The following CTNNA2 variants were observed in gnomAD, a reference collection of about 807,000 sequenced individuals.
The protein encoded by CTNNA2 is catenin alpha-2.
CTNNA2 carries 42 observed loss-of-function variants against 101.0 expected under a neutral mutation model. The ratio of observed to expected loss-of-function variants is 0.42; its 90% confidence interval spans 0.32 to 0.54. The LOEUF (loss-of-function observed/expected upper bound fraction) is 0.54. CTNNA2 is among the 20% of genes least tolerant of loss of function. CTNNA2 has a pLI of 0.14. For synonymous variants in CTNNA2, 450 were observed against 456.4 expected, an observed-to-expected ratio of 0.99 and a Z score of 0.18; for missense variants, 871 against 1,223.1, an observed-to-expected ratio of 0.71 and a Z score of 4.29.
chr2:79,443,626 A>G (rs1385660667), intron 4 of CTNNA2, among the ~76,000 whole-genome samples: 3 of 152,136 alleles, frequency 2.0e-5, no homozygotes, highest in African/African-American at 7.2e-5. Context: ...TTTACTAACT[A>G]TAGAAATTCA....
At chr2:79,866,207 A>G (rs1477990693) in intron 4 of CTNNA2, among the ~76,000 whole-genome samples, 1 of 152,236 alleles carries the variant, frequency 6.6e-6, no homozygotes, top group African/African-American at 2.4e-5. Flanking sequence ...AAGAGTTGTA[A>G]GTGACAAGTT....
chr2:79,553,540 G>T (rs962624312), intron 1 of CTNNA2, among the ~76,000 whole-genome samples: 1 of 152,166 alleles, frequency 6.6e-6, no homozygotes, highest in Non-Finnish European at 1.5e-5. Flanking sequence ...AGTTGCACAG[G>T]CTTAACATGA....
At chr2:79,415,284 G>C (rs1678465452) in intron 4 of CTNNA2, among the ~76,000 whole-genome samples, 1 of 152,130 alleles carries the variant, frequency 6.6e-6, no homozygotes, top group Non-Finnish European at 1.5e-5. Flanking sequence ...TGACATGCCT[G>C]CTCCCCTTTG....
intron 7 of CTNNA2, among the ~76,000 whole-genome samples, chr2:80,068,122 G>A (rs1371865532): frequency 6.6e-6 from 1 of 152,222 alleles, no homozygotes; most frequent in Non-Finnish European, 1.5e-5. Flanking sequence ...ATGGGGAAGA[G>A]GAGAAAGCAT....
At chr2:79,951,154 A>G (rs915047069) in intron 7 of CTNNA2, among the ~76,000 whole-genome samples, 5 of 152,220 alleles carry the variant, frequency 3.3e-5, no homozygotes, top group Non-Finnish European at 7.3e-5. Context: ...TCTAACTATA[A>G]TTTCACAAAC....
At chr2:79,296,707 C>T (rs1675988081) in intron 2 of CTNNA2, among the ~76,000 whole-genome samples, 3 of 152,104 alleles carry the variant, frequency 2.0e-5, no homozygotes, top group South Asian at 4.1e-4. Context: ...ACTCTCTGCC[C>T]TCACCTCCCA....
At chr2:80,448,432 T>G (rs936394435) in intron 9 of CTNNA2, among the ~76,000 whole-genome samples, 2 of 152,208 alleles carry the variant, frequency 1.3e-5, no homozygotes, top group African/African-American at 4.8e-5. Flanking sequence ...TCAGTAGGAT[T>G]TACTTTGATT....
At chr2:80,485,523 G>A (rs2149508284) in intron 9 of CTNNA2, among the ~76,000 whole-genome samples, 1 of 152,274 alleles carries the variant, frequency 6.6e-6, no homozygotes, top group Non-Finnish European at 1.5e-5. Flanking sequence ...GAATGAAAAG[G>A]TCAGACAGTC....
chr2:79,577,781 G>T (rs62140064), intron 1 of CTNNA2, among the ~76,000 whole-genome samples: 11,579 of 152,066 alleles, frequency 0.076, 498 homozygotes, highest in Non-Finnish European at 0.096. Flanking sequence ...TTGTGAAACC[G>T]TTTCCTTCTT....
intron 2 of CTNNA2, among the ~76,000 whole-genome samples, chr2:79,671,490 A>T (rs1393584478): frequency 1.4e-5 from 2 of 139,406 alleles, no homozygotes; most frequent in African/African-American, 2.7e-5. Context: ...AGATACTTTC[A>T]TATGAGAAGG....
At chr2:79,912,304 A>G (rs1053977248) in intron 7 of CTNNA2, among the ~76,000 whole-genome samples, 8 of 152,204 alleles carry the variant, frequency 5.3e-5, no homozygotes, top group African/African-American at 1.9e-4. Context: ...ACAGAGGGAG[A>G]CAGAGGTTGT....
intron 7 of CTNNA2, among the ~76,000 whole-genome samples, chr2:80,161,502 A>T (rs1429488594): frequency 9.2e-5 from 14 of 152,288 alleles, no homozygotes; most frequent in Middle Eastern, 3.4e-3. Context: ...TTAAAATTTT[A>T]AAATTAGAAA....
intron 6 of CTNNA2, among the ~76,000 whole-genome samples, chr2:79,897,224 A>G (rs904614775): frequency 2.0e-5 from 3 of 152,094 alleles, no homozygotes; most frequent in Non-Finnish European, 4.4e-5. Context: ...CGGGTCCTAG[A>G]TAATAACCTA....
At chr2:79,223,715 G>C (rs1047502728) in intron 2 of CTNNA2, among the ~76,000 whole-genome samples, 2 of 152,066 alleles carry the variant, frequency 1.3e-5, no homozygotes, top group Non-Finnish European at 2.9e-5. Flanking sequence ...TTATTGACTG[G>C]TGAATGACAT....
chr2:79,345,742 G>C (rs192015864), intron 3 of CTNNA2, among the ~76,000 whole-genome samples: 2 of 152,246 alleles, frequency 1.3e-5, no homozygotes, highest in East Asian at 1.9e-4. Context: ...GCCCAGGCTG[G>C]AGTGTAGTGG....
intron 3 of CTNNA2, among the ~76,000 whole-genome samples, chr2:79,835,683 T>TTTTTTTTTTTTTGTTTG (rs1679298235): frequency 2.3e-5 from 3 of 129,666 alleles, no homozygotes; most frequent in African/African-American, 9.3e-5. Flanking sequence ...TTTTTTTTTT[T>TTTTTTTTTTTTTGTTTG]TTTTTTTTTT....
chr2:80,332,189 TAAAC>T (rs1015559729), intron 7 of CTNNA2, among the ~76,000 whole-genome samples: 8 of 152,182 alleles, frequency 5.3e-5, no homozygotes, highest in Non-Finnish European at 1.0e-4. Context: ...TGTTTCTCCT[TAAAC>T]AAACAAACTC....
chr2:79,755,068 G>A (rs1672305179), intron 3 of CTNNA2, among the ~76,000 whole-genome samples: 1 of 152,004 alleles, frequency 6.6e-6, no homozygotes, highest in South Asian at 2.1e-4. Context: ...GCTCATACCT[G>A]TAATCCCAGT....
chr2:79,211,242 G>T (rs1228707549), intron 2 of CTNNA2, among the ~76,000 whole-genome samples: 1 of 152,092 alleles, frequency 6.6e-6, no homozygotes, highest in African/African-American at 2.4e-5. Flanking sequence ...TGTACTCTGG[G>T]TATGAAAGTC....
Sources: gnomAD v4.1 joint callset for allele counts (sites outside exome capture counted in the v4.1 genomes callset) on GRCh38, gnomAD v4.1.1 for gene constraint, MANE v1.5 for transcripts, NCBI Gene and HGNC (gene_info 2026-07-23, HGNC 2026-07-21) for gene names.